HS3ST3A1: variants seen among roughly 807,000 people sequenced by gnomAD.
The protein encoded by HS3ST3A1 is heparan sulfate glucosamine 3-O-sulfotransferase 3A1.
In HS3ST3A1, 19 loss-of-function variants were observed where a neutral mutation model predicts 25.7. That is an observed-to-expected ratio of 0.74 (90% CI 0.52 to 1.08). The LOEUF is 1.08. HS3ST3A1 is among the 50% of genes least tolerant of loss of function. HS3ST3A1 has a pLI of 0.00. For missense variants in HS3ST3A1, 459 were observed against 594.3 expected (o/e 0.77, Z 2.37); for synonymous variants, 226 against 278.6 (o/e 0.81, Z 1.88).
rs776785481 is a variant in HS3ST3A1, at chr17:13,496,224, G to A, written c.1194C>T (p.Thr398=). The part of the protein sequence containing the change: ...RPFNLKFYQM[T]GHDFGWDG ...ATCCATCCCAGCCAAAGTCGTGCCCGGTCATCTGGTAGAACTTGAGGTTGA... is the reference window on the plus strand; with the variant it reads ...ATCCATCCCAGCCAAAGTCGTGCCCAGTCATCTGGTAGAACTTGAGGTTGA... The change falls in exon 2 of 2, where the codon ACC becomes ACT. Residue 398 remains threonine, a synonymous_variant. Transcript: ENST00000284110. The A allele has an allele frequency of 4.6e-5, 74 of 1,598,212 alleles. No individual in the cohort carries two copies. The highest frequency in any genetic ancestry group is 6.1e-5 in the Non-Finnish European group (72 of 1,172,938).
chr17:13,583,194 A>C (rs536460529), intron 1 of HS3ST3A1, among the ~76,000 whole-genome samples: 1 of 152,308 alleles, frequency 6.6e-6, no homozygotes. Flanking sequence ...TGACTCGACC[A>C]CTAAGAAAAT....
intron 1 of HS3ST3A1, among the ~76,000 whole-genome samples, chr17:13,546,514 C>T (rs1159943449): frequency 6.6e-6 from 1 of 152,210 alleles, no homozygotes; most frequent in South Asian, 2.1e-4. Flanking sequence ...GATCTACCCG[C>T]CTCGGCCTCC....
intron 1 of HS3ST3A1, among the ~76,000 whole-genome samples, chr17:13,581,881 T>A (rs564597695): frequency 1.2e-4 from 19 of 152,332 alleles, no homozygotes; most frequent in African/African-American, 4.6e-4. Flanking sequence ...TAAGAATAAA[T>A]AAACTCAGTT....
At chr17:13,588,511 A>T (rs947820595) in intron 1 of HS3ST3A1, among the ~76,000 whole-genome samples, 5 of 152,076 alleles carry the variant, frequency 3.3e-5, no homozygotes, top group African/African-American at 9.7e-5. Context: ...CGTTTTTCAA[A>T]CTGTTTTTTT....
In HS3ST3A1 at chr17:13,601,509, A is replaced by C. The variant is rs1341938843; in HGVS notation, c.-380T>G. The C allele has an allele frequency of 5.1e-6, 1 of 194,266 alleles. No homozygotes were observed. Among genetic ancestry groups the C allele is most frequent in the Non-Finnish European group, 1.0e-5 (1 of 96,894 alleles). The allele number at this position is 194,266 out of a possible 1,614,324, so 12.0% of individuals were successfully genotyped here. ...GGCGTGCGTCTCAGCCCCGGCCCCG[A>C]GAGACTTCTCGGCGCGGATCTCCGC... On this transcript the variant is annotated 5_prime_UTR_variant, in exon 1 of 2. Transcript: ENST00000284110.
intron 1 of HS3ST3A1, among the ~76,000 whole-genome samples, chr17:13,521,850 G>A (rs991393200): frequency 2.0e-5 from 3 of 152,272 alleles, no homozygotes; most frequent in Admixed American, 6.5e-5. Context: ...ACCCCAACAC[G>A]ACTGACGTTC....
intron 1 of HS3ST3A1, among the ~76,000 whole-genome samples, 195 bp downstream of exon 1, chr17:13,600,336 C>T (rs1038105744): frequency 2.6e-5 from 4 of 152,136 alleles, no homozygotes; most frequent in Non-Finnish European, 4.4e-5. Flanking sequence ...CCAGAATTTC[C>T]CTCCCACTCT....
At chr17:13,545,820 CA>C (rs35867770) in intron 1 of HS3ST3A1, among the ~76,000 whole-genome samples, 15,028 of 152,022 alleles carry the variant, frequency 0.099, 887 homozygotes, top group Non-Finnish European at 0.14. Flanking sequence ...AATAACAATA[CA>C]AAAATTAGCC....
chr17:13,600,269 A>G (rs566756278), intron 1 of HS3ST3A1, among the ~76,000 whole-genome samples: 1 of 152,294 alleles, frequency 6.6e-6, no homozygotes, highest in African/African-American at 2.4e-5. Flanking sequence ...AGCAGGAGAA[A>G]GAGACCAGAC....
intron 1 of HS3ST3A1, among the ~76,000 whole-genome samples, chr17:13,563,227 G>A (rs373441506): frequency 6.6e-6 from 1 of 151,932 alleles, no homozygotes; most frequent in African/African-American, 2.4e-5. Context: ...GCAGCAAAGG[G>A]TAGAACCACA....
chr17:13,521,813 T>C (rs1459816533), intron 1 of HS3ST3A1, among the ~76,000 whole-genome samples: 1 of 152,226 alleles, frequency 6.6e-6, no homozygotes, highest in Non-Finnish European at 1.5e-5. Context: ...CATCTGTGGA[T>C]ACAACTCTTT....
At chr17:13,555,176 T>C (rs952851887) in intron 1 of HS3ST3A1, among the ~76,000 whole-genome samples, 1 of 152,134 alleles carries the variant, frequency 6.6e-6, no homozygotes, top group Non-Finnish European at 1.5e-5. Flanking sequence ...TACACCCTTA[T>C]GCCTCCCGCT....
chr17:13,586,083 A>G (rs186755083), intron 1 of HS3ST3A1, among the ~76,000 whole-genome samples: 20 of 151,170 alleles, frequency 1.3e-4, no homozygotes, highest in Admixed American at 7.2e-4. Context: ...TCCTGACCTC[A>G]TGATCCGCCC....
rs1226882967 is a variant in HS3ST3A1 at position 13,593,232 on chromosome 17, C to CAAAAAAAAAA, written c.599+7298_599+7299insTTTTTTTTTT. 3.5e-5 allele frequency among the ~76,000 whole-genome samples: 2 copies of CAAAAAAAAAA among 56,786 alleles called. 1 individual carries two copies. Among genetic ancestry groups the CAAAAAAAAAA allele is most frequent in the African/African-American group, 1.3e-4 (2 of 14,976 alleles). 37.3% of individuals were successfully genotyped at this position (56,786 alleles called of 152,430 possible). A position where few individuals can be genotyped will look rare whatever the true frequency, so the allele number is the denominator to read the frequency against. The stretch of plus-strand genomic sequence containing the variant: ...ACACCTGTTCCTTCTATGTTTGTAG[C>CAAAAAAAAAA]CAAAAAAAAAAAAAAAAAAAAGTCA... On this transcript the variant is annotated intron_variant, in intron 1 of 1. Transcript: ENST00000284110.
intron 1 of HS3ST3A1, among the ~76,000 whole-genome samples, chr17:13,529,658 T>C (rs1350049705): frequency 6.6e-6 from 1 of 152,204 alleles, no homozygotes; most frequent in Non-Finnish European, 1.5e-5. Context: ...TCATTTCCTA[T>C]TCATATTTGA....
At chr17:13,560,730 C>T (rs1045919473) in intron 1 of HS3ST3A1, among the ~76,000 whole-genome samples, 4 of 152,110 alleles carry the variant, frequency 2.6e-5, no homozygotes, top group Non-Finnish European at 4.4e-5. Flanking sequence ...GATCAAAGTG[C>T]AATTTCAACA....
At position 13,495,978 on chromosome 17, in the gene HS3ST3A1, G is replaced by T; in HGVS notation, c.*219C>A. On this transcript the variant is annotated 3_prime_UTR_variant, in exon 2 of 2. Coordinates refer to ENST00000284110, the MANE Select transcript of HS3ST3A1 (RefSeq NM_006042.3). Reference sequence around the variant, plus strand: ...GAACATAAAATAAAAACTGAAAATTGAAAGTGTTTAGACGAGTGAAATTTT... The same window carrying T: ...GAACATAAAATAAAAACTGAAAATTTAAAGTGTTTAGACGAGTGAAATTTT... 4.0e-6 allele frequency: 2 copies of T among 494,214 alleles called. No homozygotes were observed. Among genetic ancestry groups the T allele is most frequent in the Non-Finnish European group, 6.8e-6 (2 of 293,250 alleles). 30.6% of individuals were successfully genotyped at this position (494,214 alleles called of 1,614,324 possible).
rs1404477685 is a variant in HS3ST3A1 at position 13,495,310 on chromosome 17, G to T, written c.*887C>A. Among the ~76,000 whole-genome samples, 1 of 152,076 alleles carries T rather than the reference G, an allele frequency of 6.6e-6. No individual in the cohort carries two copies. The highest frequency in any genetic ancestry group is 1.5e-5 in the Non-Finnish European group (1 of 68,024). On this transcript the variant is annotated 3_prime_UTR_variant, in exon 2 of 2. Coordinates refer to ENST00000284110, the MANE Select transcript of HS3ST3A1 (RefSeq NM_006042.3). ...TCAGTCAAGATTTCCATATCTCAGT[G>T]TACTTTAAATAGCCAAGAGGCAAGA...
At chr17:13,523,894 G>A (rs1353550288) in intron 1 of HS3ST3A1, among the ~76,000 whole-genome samples, 4 of 151,700 alleles carry the variant, frequency 2.6e-5, no homozygotes, top group Middle Eastern at 3.4e-3. Flanking sequence ...CAAGTTTGGG[G>A]GCATGAATGC....
Sources: allele counts gnomAD v4.1 joint callset (sites outside exome capture counted in the v4.1 genomes callset), GRCh38; gene constraint gnomAD v4.1.1; transcripts MANE v1.5; gene names NCBI Gene and HGNC (gene_info 2026-07-23, HGNC 2026-07-21).